Variants in TTLL3 observed in about 807,000 individuals in gnomAD.
The protein encoded by TTLL3 is tubulin monoglycylase TTLL3.
TTLL3 carries 63 observed loss-of-function variants against 75.2 expected under a neutral mutation model. That is an observed-to-expected ratio of 0.84 (90% CI 0.68 to 1.03). The LOEUF (loss-of-function observed/expected upper bound fraction) is 1.03, where lower values mean the gene tolerates loss of function less well. Ranked by LOEUF, TTLL3 falls within the 50% of genes least tolerant of loss-of-function variation. TTLL3 has a pLI of 0.00. For synonymous variants in TTLL3, 393 were observed against 418.5 expected (o/e 0.94, Z 0.74); for missense variants, 997 against 1,069.9 (o/e 0.93, Z 0.95).
intron 10 of TTLL3, 157 bp downstream of exon 10, chr3:9,827,397 C>G (rs182884486): frequency 7.3e-7 from 1 of 1,368,760 alleles, no homozygotes; most frequent in Admixed American, 2.8e-5. Flanking sequence ...GTCCTTGCAT[C>G]CAACAGATTT....
chr3:9,835,552 C>T lies in TTLL3; in HGVS notation c.*63C>T, dbSNP rs2125013659. On this transcript the variant is annotated 3_prime_UTR_variant, in exon 14 of 14. Coordinates refer to ENST00000685419, the MANE Select transcript of TTLL3 (RefSeq NM_001387446.1). Reference sequence around the variant, plus strand: ...TTCCCACCTAAGGACAGACATGGGGCTTCCTATTTAGGGACTCCCCCAGCA... The same window carrying T: ...TTCCCACCTAAGGACAGACATGGGGTTTCCTATTTAGGGACTCCCCCAGCA... 3 of 1,477,514 alleles carry T rather than the reference C, an allele frequency of 2.0e-6. No homozygotes were observed. Among genetic ancestry groups the T allele is most frequent in the South Asian group, 2.7e-5 (2 of 72,992 alleles). The allele number at this position is 1,477,514 out of a possible 1,614,324, so 91.5% of individuals were successfully genotyped here. A position where few individuals can be genotyped will look rare whatever the true frequency, so the allele number is the denominator to read the frequency against.
In TTLL3 at chr3:9,830,085, C is replaced by T. The variant is rs559618864; in HGVS notation, c.1683+690C>T. ...CTCGAGCTCCTGACCTCAGGTGATC[C>T]GCCCACCTCGGCCTCCCAAAGTGCT... On this transcript the variant is annotated intron_variant, in intron 11 of 13. Coordinates refer to ENST00000685419, the MANE Select transcript of TTLL3 (RefSeq NM_001387446.1). 3.9e-5 allele frequency among the ~76,000 whole-genome samples: 6 copies of T among 152,242 alleles called. No homozygotes were observed. In the East Asian group the frequency reaches 7.7e-4, roughly 20 times the overall value.
upstream of TTLL3, chr3:9,810,194 T>C: frequency 6.8e-7 from 1 of 1,476,258 alleles, no homozygotes; most frequent in Non-Finnish European, 8.9e-7. This position sits in a 1 kb window ranked among gnomAD's most constrained non-coding sequence, Gnocchi z 4.4. Context: ...CCCAGGAGGC[T>C]GCCATGGGCC....
intron 11 of TTLL3, among the ~76,000 whole-genome samples, chr3:9,830,957 C>T (rs1461295403): frequency 6.6e-6 from 1 of 152,144 alleles, no homozygotes; most frequent in East Asian, 1.9e-4. Flanking sequence ...TGCCTGCCAC[C>T]ATGCCCGGCT....
At chr3:9,820,868 A>C in intron 8 of TTLL3, 127 bp downstream of exon 8, 2 of 1,417,240 alleles carry the variant, frequency 1.4e-6, no homozygotes, top group Non-Finnish European at 1.9e-6. Context: ...CTGCTCAGGA[A>C]CCCTCGAGGA....
chr3:9,812,953 T>A lies in TTLL3; in HGVS notation c.59T>A (p.Ile20Asn), dbSNP rs1299104262. The change falls in exon 3 of 14, where the codon ATC becomes AAC. Residue 20 changes from isoleucine to asparagine, a missense_variant. Ile to Asn is a moderately radical substitution (Grantham distance 149). Transcript: ENST00000685419. ...TCTCTCACATTGCAGCAGAAGAAGA[T>A]CTTTACAATCCAAGGCTGCTACCCG... is the stretch of plus-strand genomic sequence containing the variant. ...YVERAVKQKK[I>N]FTIQGCYPVI... The A allele has an allele frequency of 6.6e-7, 1 of 1,504,886 alleles. No homozygotes were observed. Among genetic ancestry groups the A allele is most frequent in the Non-Finnish European group, 8.9e-7 (1 of 1,124,976 alleles). The allele number at this position is 1,504,886 out of a possible 1,614,324, so 93.2% of individuals were successfully genotyped here. A position where few individuals can be genotyped will look rare whatever the true frequency, so the allele number is the denominator to read the frequency against.
intron 7 of TTLL3, chr3:9,819,149 T>G (rs1362255589): frequency 3.5e-6 from 2 of 565,222 alleles, no homozygotes; most frequent in Non-Finnish European, 6.2e-6. Flanking sequence ...CCACCCACCC[T>G]TCCACTCATC....
chr3:9,835,169 T>G lies in TTLL3; in HGVS notation c.2128T>G (p.Phe710Val). Residue 710 changes from phenylalanine to valine, a missense_variant, in exon 14 of 14, where the codon TTC becomes GTC. Physicochemically the swap from Phe to Val is conservative, Grantham distance 50. Transcript: ENST00000685419. ...CCLCPLKSEQ[F>V]LAPVGRSRPK... is the part of the protein sequence containing the mutation. ...CCTCTGCCCTTTGAAGTCGGAACAA[T>G]TCCTAGCACCTGTCGGAAGGTCAAG... The G allele has an allele frequency of 6.2e-7, 1 of 1,614,172 alleles. No homozygotes were observed. Among genetic ancestry groups the G allele is most frequent in the Non-Finnish European group, 8.5e-7 (1 of 1,180,020 alleles).
At chr3:9,809,789 C>G, upstream of TTLL3, 1 of 381,718 alleles carries the variant, frequency 2.6e-6, no homozygotes, top group Non-Finnish European at 4.6e-6. Flanking sequence ...CATAAGGAAG[C>G]CCTCGCTCGA....
chr3:9,831,379 T>C (rs140611304), intron 11 of TTLL3, among the ~76,000 whole-genome samples: 232 of 152,350 alleles, frequency 1.5e-3, no homozygotes, highest in Non-Finnish European at 2.5e-3. Flanking sequence ...TCAAATAGTT[T>C]GATGAGGTTA....
rs994987568 is a variant in TTLL3 at position 9,827,685 on chromosome 3, G to A, written c.1247+445G>A. Reference sequence around the variant, plus strand: ...AAGTGCTGGGATTACACTATGCCTGGCCCCTCCAACAGATTTGACCGAGTG... The same window carrying A: ...AAGTGCTGGGATTACACTATGCCTGACCCCTCCAACAGATTTGACCGAGTG... On this transcript the variant is annotated intron_variant, in intron 10 of 13. Transcript: ENST00000685419. 1.9e-5 allele frequency: 4 copies of A among 215,538 alleles called. No individual in the cohort carries two copies. In the South Asian group the frequency reaches 3.1e-4, roughly 17 times the overall value. The allele number at this position is 215,538 out of a possible 1,614,324, so 13.4% of individuals were successfully genotyped here. A position where few individuals can be genotyped will look rare whatever the true frequency, so the allele number is the denominator to read the frequency against.
At chr3:9,831,635 T>G (rs1441123957) in intron 11 of TTLL3, among the ~76,000 whole-genome samples, 1 of 152,238 alleles carries the variant, frequency 6.6e-6, no homozygotes, top group Non-Finnish European at 1.5e-5. Context: ...ATTGTTTTGA[T>G]ACCAGTTTTG....
In TTLL3 at chr3:9,825,286, C is replaced by T. The variant is rs572266884; in HGVS notation, c.855-514C>T. The T allele has an allele frequency of 2.3e-5, 4 of 174,320 alleles. No homozygotes were observed. In the South Asian group the frequency reaches 3.2e-4, roughly 14 times the overall value. 10.8% of individuals were successfully genotyped at this position (174,320 alleles called of 1,614,324 possible). On this transcript the variant is annotated intron_variant, in intron 8 of 13. Coordinates refer to ENST00000685419, the MANE Select transcript of TTLL3 (RefSeq NM_001387446.1). The stretch of plus-strand genomic sequence containing the variant: ...CTAGGAGTTCCTGGCTGCACTGAGC[C>T]GTGATTTCACCACTGCACTTCAGCC...
intron 11 of TTLL3, 21 bp downstream of exon 11, chr3:9,829,416 C>G: frequency 6.4e-7 from 1 of 1,564,272 alleles, no homozygotes; most frequent in Non-Finnish European, 8.7e-7. Flanking sequence ...TGGGCCCAGG[C>G]AGGACCCCAG....
chr3:9,810,828 C>T lies in TTLL3; in HGVS notation c.48+119C>T, dbSNP rs1261171114. 1.8e-5 allele frequency: 17 copies of T among 964,168 alleles called. No individual in the cohort carries two copies. The highest frequency in any genetic ancestry group is 2.6e-5 in the Non-Finnish European group (17 of 661,732). 59.7% of individuals were successfully genotyped at this position (964,168 alleles called of 1,614,324 possible). On this transcript the variant is annotated intron_variant, in intron 2 of 13. Transcript: ENST00000685419. The surrounding 1 kb of genome is among the most constrained non-coding windows in gnomAD (Gnocchi z 4.4). ...CAAAAGAAAAAACAATAGCAAAAATCCTCAACCACCACACCCATCTTCAAC... is the reference window on the plus strand; with the variant it reads ...CAAAAGAAAAAACAATAGCAAAAATTCTCAACCACCACACCCATCTTCAAC...
intron 10 of TTLL3, 183 bp from the exon 11 acceptor site, chr3:9,828,777 T>C: frequency 5.3e-6 from 4 of 748,290 alleles, no homozygotes; most frequent in Non-Finnish European, 8.5e-6. Context: ...AGAGTGGTTC[T>C]GGCCCTAGAA....
chr3:9,819,840 G>C lies in TTLL3; in HGVS notation c.659-706G>C, dbSNP rs77435380. The stretch of plus-strand genomic sequence containing the variant: ...ACAAGGAAGGCTTGGTTGTGTGCCA[G>C]GATAAGGGGCACAAGGGCCTCGGGT... On this transcript the variant is annotated intron_variant, in intron 7 of 13. Transcript: ENST00000685419. The C allele has an allele frequency of 1.0e-5, 10 of 985,440 alleles. No individual in the cohort carries two copies. The East Asian group carries it at 1.0e-3, about 101-fold the overall frequency. The allele number at this position is 985,440 out of a possible 1,614,324, so 61.0% of individuals were successfully genotyped here.
At position 9,832,736 on chromosome 3, in the gene TTLL3, C is replaced by T. The variant is rs118173406; in HGVS notation, c.1684-368C>T. ...CCAAACCTCTTACTTGTCTGGGTGG[C>T]GTAACTCAAATTCTCTGTGCAGAGA... On this transcript the variant is annotated intron_variant, in intron 11 of 13. Coordinates refer to ENST00000685419, the MANE Select transcript of TTLL3 (RefSeq NM_001387446.1). Among the ~76,000 whole-genome samples, 89 of 152,344 alleles carry T rather than the reference C, an allele frequency of 5.8e-4. No homozygotes were observed. The East Asian group carries it at 0.015, about 25-fold the overall frequency.
intron 7 of TTLL3, chr3:9,819,792 G>A: frequency 1.0e-6 from 1 of 985,492 alleles, no homozygotes; most frequent in Non-Finnish European, 1.2e-6. Context: ...CTCCCCCATT[G>A]CTGTCTCTTG....
Sources: allele counts gnomAD v4.1 joint callset (sites outside exome capture counted in the v4.1 genomes callset), GRCh38; gene constraint gnomAD v4.1.1; non-coding constraint Gnocchi (gnomAD v3.1); transcripts MANE v1.5; gene names NCBI Gene and HGNC (gene_info 2026-07-23, HGNC 2026-07-21).